Variants in CCDC148 observed in about 807,000 individuals in gnomAD.
CCDC148 encodes the protein coiled-coil domain containing 148.
A neutral mutation model predicts 85.7 loss-of-function variants in CCDC148; 89 were observed. The ratio of observed to expected loss-of-function variants is 1.04; its 90% CI spans 0.87 to 1.24. The LOEUF is 1.24. Among genes scored for constraint, CCDC148 ranks in the 50% most tolerant of loss-of-function variants. The pLI, the probability that CCDC148 is intolerant of heterozygous loss-of-function variation, is 0.00. For missense variants in CCDC148, 692 were observed against 671.7 expected, an observed-to-expected ratio of 1.03 and a Z score of -0.33; for synonymous variants, 230 against 213.9, an observed-to-expected ratio of 1.08 and a Z score of -0.66.
At chr2:158,335,253 C>T (rs1682311892) in intron 7 of CCDC148, among the ~76,000 whole-genome samples, 1 of 152,180 alleles carries the variant, frequency 6.6e-6, no homozygotes, top group Non-Finnish European at 1.5e-5. Flanking sequence ...AAAGATACTG[C>T]TTTTCACAAG....
intron 1 of CCDC148, among the ~76,000 whole-genome samples, chr2:158,454,331 AG>A (rs1688519034): frequency 6.6e-6 from 1 of 152,218 alleles, no homozygotes; most frequent in South Asian, 2.1e-4. Flanking sequence ...TTTGGAGGAG[AG>A]GGTGTAACAC....
At chr2:158,351,083 G>T (rs1045335641) in intron 2 of CCDC148, among the ~76,000 whole-genome samples, 1 of 152,126 alleles carries the variant, frequency 6.6e-6, no homozygotes, top group Non-Finnish European at 1.5e-5. Context: ...ACTCAGTGAA[G>T]ATCAAATCCT....
At chr2:158,210,909 A>G (rs1479060270) in intron 11 of CCDC148, among the ~76,000 whole-genome samples, 1 of 149,828 alleles carries the variant, frequency 6.7e-6, no homozygotes, top group Non-Finnish European at 1.5e-5. Context: ...CAGTGAGCCA[A>G]GATCATGCCA....
intron 1 of CCDC148, chr2:158,419,849 T>C (rs1269405947): frequency 6.6e-6 from 1 of 152,108 alleles, no homozygotes; most frequent in Admixed American, 6.6e-5. Context: ...ATTTTGAAAG[T>C]AGGTCTTTCC....
intron 3 of CCDC148, among the ~76,000 whole-genome samples, chr2:158,343,480 C>G (rs1002834034): frequency 9.9e-5 from 15 of 152,190 alleles, no homozygotes; most frequent in African/African-American, 3.4e-4. Context: ...ACTTAACATA[C>G]TCGGTTGGTG....
chr2:158,227,979 C>G (rs1432115357), intron 10 of CCDC148, among the ~76,000 whole-genome samples: 1 of 152,116 alleles, frequency 6.6e-6, no homozygotes, highest in Non-Finnish European at 1.5e-5. Context: ...AAATAAAGAG[C>G]TTCTGCATAG....
intron 7 of CCDC148, among the ~76,000 whole-genome samples, chr2:158,334,462 T>G (rs190669906): frequency 5.9e-5 from 4 of 67,660 alleles, no homozygotes; most frequent in Admixed American, 4.7e-4. Context: ...TTTCTAGAGT[T>G]AAAACTTCTC....
At chr2:158,210,850 T>G (rs1686533213) in intron 11 of CCDC148, among the ~76,000 whole-genome samples, 1 of 147,442 alleles carries the variant, frequency 6.8e-6, no homozygotes, top group South Asian at 2.1e-4. Context: ...TCCCAGCTAC[T>G]TGGGAGGCTG....
At chr2:158,181,518 G>A (rs1684902729) in intron 11 of CCDC148, among the ~76,000 whole-genome samples, 1 of 152,078 alleles carries the variant, frequency 6.6e-6, no homozygotes, top group African/African-American at 2.4e-5. Context: ...TGCTCTGATG[G>A]GACAATGGGG....
intron 1 of CCDC148, among the ~76,000 whole-genome samples, chr2:158,364,758 G>A (rs4392204): frequency 0.78 from 118,243 of 152,072 alleles, 46,283 homozygotes; most frequent in East Asian, 0.95. Context: ...ATGGGCAAAG[G>A]CTTCATGACT....
intron 9 of CCDC148, among the ~76,000 whole-genome samples, chr2:158,287,680 A>T (rs114521704): frequency 0.1 from 15,295 of 152,190 alleles, 1,047 homozygotes; most frequent in East Asian, 0.15. Flanking sequence ...TTTGCAAGGT[A>T]CAGCCTCCTT....
At chr2:158,292,220 T>C (rs1219166654) in intron 9 of CCDC148, among the ~76,000 whole-genome samples, 1 of 152,194 alleles carries the variant, frequency 6.6e-6, no homozygotes, top group Non-Finnish European at 1.5e-5. Flanking sequence ...ATACATTATT[T>C]TAGACATTTA....
At chr2:158,203,681 T>C (rs538385923) in intron 11 of CCDC148, among the ~76,000 whole-genome samples, 4 of 151,790 alleles carry the variant, frequency 2.6e-5, no homozygotes, top group South Asian at 4.2e-4. Flanking sequence ...GAGCTTACTA[T>C]AAAAAATAAA....
In CCDC148 at chr2:158,385,901, A is replaced by G. The variant is rs762197747; in HGVS notation, c.26-27331T>C. Among the ~76,000 whole-genome samples, 24 of 152,094 alleles carry G rather than the reference A, an allele frequency of 1.6e-4. 1 individual carries two copies. On this transcript the variant is annotated intron_variant, in intron 1 of 13. Coordinates refer to ENST00000283233, the MANE Select transcript of CCDC148 (RefSeq NM_138803.4). Reference sequence around the variant, plus strand: ...CATGCCTATCTGCCAAAACAAGGGCATCCTGGGAAGGAAGCCTCTGCACTG... The same window carrying G: ...CATGCCTATCTGCCAAAACAAGGGCGTCCTGGGAAGGAAGCCTCTGCACTG...
At chr2:158,406,613 CTTTTTT>C (rs61612452) in intron 1 of CCDC148, among the ~76,000 whole-genome samples, 7 of 31,462 alleles carry the variant, frequency 2.2e-4, no homozygotes, top group Admixed American at 1.4e-3. Flanking sequence ...GATTAAATTT[CTTTTTT>C]TTTTTTTTTT....
intron 11 of CCDC148, among the ~76,000 whole-genome samples, chr2:158,200,753 A>G (rs1685915044): frequency 6.6e-6 from 1 of 152,172 alleles, no homozygotes; most frequent in Admixed American, 6.5e-5. Context: ...CTCCATTGTA[A>G]AGGCATATTT....
At chr2:158,195,495 A>C (rs547550957) in intron 11 of CCDC148, among the ~76,000 whole-genome samples, 21 of 152,100 alleles carry the variant, frequency 1.4e-4, no homozygotes, top group Non-Finnish European at 2.6e-4. Context: ...TTTTGCTAAA[A>C]ATTTACGATA....
At chr2:158,372,632 G>A (rs1043109811) in intron 1 of CCDC148, among the ~76,000 whole-genome samples, 9 of 152,038 alleles carry the variant, frequency 5.9e-5, no homozygotes, top group Admixed American at 3.9e-4. Context: ...CAGCTGCAGG[G>A]TATTATATAA....
intron 1 of CCDC148, among the ~76,000 whole-genome samples, chr2:158,407,755 A>G (rs1023340457): frequency 2.0e-5 from 3 of 152,202 alleles, no homozygotes; most frequent in Non-Finnish European, 4.4e-5. Context: ...GTCTGGGTTC[A>G]TAGAAGCCTG....
Sources: allele counts gnomAD v4.1 joint callset (sites outside exome capture counted in the v4.1 genomes callset), GRCh38; gene constraint gnomAD v4.1.1; transcripts MANE v1.5; gene names NCBI Gene and HGNC (gene_info 2026-07-23, HGNC 2026-07-21).